ZNF423: variants seen among roughly 807,000 people sequenced by gnomAD.
ZNF423 encodes the protein Ebf-associated zinc finger protein.
In ZNF423, 12 loss-of-function variants were observed where a neutral mutation model predicts 95.8. The observed-to-expected ratio is 0.13, with a 90% confidence interval of 0.08 to 0.20. The LOEUF (loss-of-function observed/expected upper bound fraction) is 0.20, where lower values mean the gene tolerates loss of function less well. ZNF423 is among the 10% of genes least tolerant of loss of function. ZNF423 has a pLI of 1.00. For missense variants in ZNF423, 1,316 were observed against 1,737.1 expected (o/e 0.76, Z 4.31); for synonymous variants, 749 against 711.9 (o/e 1.05, Z -0.83).
chr16:49,514,858 A>G (rs1467191404), intron 7 of ZNF423, among the ~76,000 whole-genome samples: 5 of 152,130 alleles, frequency 3.3e-5, no homozygotes, highest in African/African-American at 1.2e-4. Flanking sequence ...CCCCAAAACC[A>G]TCTTCATCAA....
At chr16:49,561,355 G>T (rs1157520133) in intron 5 of ZNF423, among the ~76,000 whole-genome samples, 4 of 152,086 alleles carry the variant, frequency 2.6e-5, no homozygotes, top group African/African-American at 7.2e-5. Context: ...TTTACTGGGG[G>T]TATGTGTGTA....
At chr16:49,505,679 G>A (rs1304811543) in intron 7 of ZNF423, among the ~76,000 whole-genome samples, 5 of 152,234 alleles carry the variant, frequency 3.3e-5, no homozygotes, top group East Asian at 1.9e-4. Flanking sequence ...TGGGAAACAC[G>A]TAGGTGTACA....
At position 49,638,609 on chromosome 16, in the gene ZNF423, A is replaced by G. The variant is rs3803665; in HGVS notation, c.567T>C (p.Arg189=). The change falls in exon 4 of 8, where the codon CGT becomes CGC. Residue 189 remains arginine, a synonymous_variant. Coordinates refer to ENST00000563137, the MANE Select transcript of ZNF423 (RefSeq NM_001379286.1). This position sits in a 1 kb window ranked among gnomAD's most constrained non-coding sequence, Gnocchi z 5.6. ...CCGTATGCAGCTTGATGTGCCGGTC[A>G]CGGCTCCTCTTGTGCTTGAAGAGGC... is the stretch of plus-strand genomic sequence containing the variant. ...CSRLFKHKRS[R]DRHIKLHTGD... 734,100 of 1,613,480 alleles carry G rather than the reference A, an allele frequency of 0.45. 174,513 individuals are homozygous for G. Among genetic ancestry groups the G allele is most frequent in the African/African-American group, 0.85 (63,835 of 74,964 alleles).
chr16:49,560,801 C>T (rs1376798034), intron 5 of ZNF423, among the ~76,000 whole-genome samples: 3 of 152,232 alleles, frequency 2.0e-5, no homozygotes, highest in African/African-American at 7.2e-5. Context: ...ACGCTGAAGA[C>T]AAGCCAGTGT....
At chr16:49,544,627 G>C (rs1036424417) in intron 5 of ZNF423, among the ~76,000 whole-genome samples, 1 of 152,244 alleles carries the variant, frequency 6.6e-6, no homozygotes, top group East Asian at 1.9e-4. Flanking sequence ...TCCTGAATGA[G>C]GTGGCCTTGG....
intron 3 of ZNF423, among the ~76,000 whole-genome samples, chr16:49,698,904 C>CT (rs747879791): frequency 4.6e-5 from 7 of 152,240 alleles, no homozygotes; most frequent in Non-Finnish European, 7.3e-5. Context: ...TAGCAGGCCT[C>CT]TAAGAAACCC....
At position 49,853,934 on chromosome 16, in the gene ZNF423, T is replaced by C. The variant is rs534291161; in HGVS notation, c.40+1801A>G. The C allele has an allele frequency of 7.6e-5, 75 of 985,400 alleles. No individual in the cohort carries two copies. The South Asian group carries it at 3.2e-3, about 42-fold the overall frequency. The allele number at this position is 985,400 out of a possible 1,614,324, so 61.0% of individuals were successfully genotyped here. A position where few individuals can be genotyped will look rare whatever the true frequency, so the allele number is the denominator to read the frequency against. On this transcript the variant is annotated intron_variant, in intron 1 of 7. Coordinates refer to ENST00000563137, the MANE Select transcript of ZNF423 (RefSeq NM_001379286.1). ...ACTGCCTGAGTTAAATAAAACTGTT[T>C]TTCCAACCAGAAATTCCAATTCCAC... is the stretch of plus-strand genomic sequence containing the variant.
intron 1 of ZNF423, among the ~76,000 whole-genome samples, chr16:49,845,296 G>C (rs1163432794): frequency 6.6e-6 from 1 of 151,740 alleles, no homozygotes; most frequent in Admixed American, 6.6e-5. Context: ...GTGGAGACAG[G>C]GTTTCACCAT....
intron 5 of ZNF423, among the ~76,000 whole-genome samples, chr16:49,609,478 A>G (rs1432083960): frequency 2.0e-5 from 3 of 152,200 alleles, no homozygotes; most frequent in Non-Finnish European, 4.4e-5. Flanking sequence ...TCATCCTTGA[A>G]ACAAGTGGAA....
chr16:49,806,175 C>T (rs1028914150), intron 1 of ZNF423, among the ~76,000 whole-genome samples: 3 of 152,368 alleles, frequency 2.0e-5, no homozygotes, highest in Admixed American at 1.3e-4. Context: ...GGGCTCTCGC[C>T]CACCAGCTGG....
intron 5 of ZNF423, among the ~76,000 whole-genome samples, chr16:49,598,478 G>A (rs1032015858): frequency 2.0e-5 from 3 of 152,268 alleles, no homozygotes; most frequent in Admixed American, 6.5e-5. Flanking sequence ...GCAGTGAAGG[G>A]AAACAGGTGT....
At chr16:49,704,722 T>C (rs1312122716) in intron 3 of ZNF423, among the ~76,000 whole-genome samples, 1 of 152,198 alleles carries the variant, frequency 6.6e-6, no homozygotes, top group Non-Finnish European at 1.5e-5. Flanking sequence ...CACTCCCATG[T>C]AACTGCTATG....
intron 1 of ZNF423, among the ~76,000 whole-genome samples, chr16:49,845,162 T>C (rs996062557): frequency 6.6e-6 from 1 of 151,910 alleles, no homozygotes; most frequent in Non-Finnish European, 1.5e-5. Flanking sequence ...TGTTTTAAGA[T>C]GGAGTCTTGC....
At chr16:49,617,301 G>A (rs1183890407) in intron 5 of ZNF423, among the ~76,000 whole-genome samples, 2 of 152,196 alleles carry the variant, frequency 1.3e-5, no homozygotes, top group African/African-American at 4.8e-5. Flanking sequence ...GGACAGAGGG[G>A]ACCAAGCTCT....
intron 5 of ZNF423, among the ~76,000 whole-genome samples, chr16:49,580,607 A>G (rs12923113): frequency 0.25 from 38,267 of 152,120 alleles, 4,975 homozygotes; most frequent in East Asian, 0.42. Context: ...CAAGACCCGT[A>G]GAAACAAATA....
At chr16:49,563,501 G>A (rs1362422973) in intron 5 of ZNF423, among the ~76,000 whole-genome samples, 5 of 152,178 alleles carry the variant, frequency 3.3e-5, no homozygotes, top group Non-Finnish European at 7.3e-5. Flanking sequence ...TAAGACAAAC[G>A]ATATCTCACT....
chr16:49,626,259 T>G lies in ZNF423; in HGVS notation c.3517-5A>C. 1.9e-6 allele frequency: 3 copies of G among 1,613,674 alleles called. No individual in the cohort carries two copies. The highest frequency in any genetic ancestry group is 2.5e-6 in the Non-Finnish European group (3 of 1,179,730). On this transcript the variant is annotated splice_polypyrimidine_tract_variant and splice_region_variant and intron_variant, in intron 4 of 7. Coordinates refer to ENST00000563137, the MANE Select transcript of ZNF423 (RefSeq NM_001379286.1). The stretch of plus-strand genomic sequence containing the variant: ...GATGCACTGGTATGTCTTTTTCTGT[T>G]TGGAAACCAAAAATAAAAGATTTAG...
intron 5 of ZNF423, among the ~76,000 whole-genome samples, chr16:49,591,103 T>C (rs920480520): frequency 6.6e-6 from 1 of 152,218 alleles, no homozygotes; most frequent in African/African-American, 2.4e-5. Context: ...AATATGGGCA[T>C]TGTAACTCCA....
chr16:49,735,573 C>T (rs1476995186), intron 2 of ZNF423, among the ~76,000 whole-genome samples: 1 of 152,214 alleles, frequency 6.6e-6, no homozygotes, highest in African/African-American at 2.4e-5. Flanking sequence ...TCAGTGGCTC[C>T]TTGACCAACA....
Sources: allele counts gnomAD v4.1 joint callset (sites outside exome capture counted in the v4.1 genomes callset), GRCh38; gene constraint gnomAD v4.1.1; non-coding constraint Gnocchi (gnomAD v3.1); transcripts MANE v1.5; gene names NCBI Gene and HGNC (gene_info 2026-07-23, HGNC 2026-07-21).